CDKN2B-AS1: variants seen among roughly 807,000 people sequenced by gnomAD.
CDKN2B-AS1 encodes the protein CDKN2B and CDKN2A antisense cis and trans regulatory RNA 1.
intron 1 of CDKN2B-AS1, chr9:22,008,697 T>C: frequency 6.2e-7 from 1 of 1,611,166 alleles, no homozygotes; most frequent in East Asian, 2.2e-5. Context: ...GAGACTCCTG[T>C]ACAAATCTAC....
intron 3 of CDKN2B-AS1, among the ~76,000 whole-genome samples, chr9:22,054,535 A>G (rs1823477163): frequency 6.6e-6 from 1 of 151,956 alleles, no homozygotes; most frequent in East Asian, 1.9e-4. Context: ...ATTTATTCTT[A>G]TTTTTATTTT....
intron 1 of CDKN2B-AS1, among the ~76,000 whole-genome samples, chr9:22,032,469 C>T (rs1250938218): frequency 2.0e-5 from 3 of 152,148 alleles, no homozygotes; most frequent in Admixed American, 6.5e-5. Context: ...CCACAGTGTG[C>T]TGCCTAGGGC....
chr9:22,006,338 A>T lies in CDKN2B-AS1; in HGVS notation n.29+11177A>T. 2 of 1,548,836 alleles carry T rather than the reference A, an allele frequency of 1.3e-6. No homozygotes were observed. ...AAGGCAGGTGGAGCCATTTAAAGAA[A>T]CACCTAATTGCAAAGTTTTCACCCA... On this transcript the variant is annotated intron_variant and non_coding_transcript_variant, in intron 1 of 4. Coordinates refer to ENST00000650946, the Ensembl canonical transcript of CDKN2B-AS1. This position sits in a 1 kb window ranked among gnomAD's most constrained non-coding sequence, Gnocchi z 6.4.
At chr9:22,100,756 C>T (rs1405704876) in intron 4 of CDKN2B-AS1, among the ~76,000 whole-genome samples, 1 of 152,200 alleles carries the variant, frequency 6.6e-6, no homozygotes, top group East Asian at 1.9e-4. Context: ...TAACAGTTTA[C>T]ACTTCTACTA....
chr9:22,067,560 GCA>G (rs147195756), intron 4 of CDKN2B-AS1, among the ~76,000 whole-genome samples: 11 of 150,998 alleles, frequency 7.3e-5, no homozygotes, highest in African/African-American at 2.4e-4. Context: ...ACACACGCAC[GCA>G]CACACACACA....
At chr9:22,100,714 A>G (rs946234044) in intron 4 of CDKN2B-AS1, among the ~76,000 whole-genome samples, 2 of 152,188 alleles carry the variant, frequency 1.3e-5, no homozygotes, top group Non-Finnish European at 2.9e-5. Flanking sequence ...TTAATGTTTG[A>G]CTTTTTAAGA....
chr9:22,076,321 G>A (rs1824490521), intron 4 of CDKN2B-AS1, among the ~76,000 whole-genome samples: 1 of 152,046 alleles, frequency 6.6e-6, no homozygotes, highest in South Asian at 2.1e-4. Flanking sequence ...CCCAAAGTGT[G>A]GGATTACAGG....
At chr9:22,125,289 T>G (rs1304477134) in intron 4 of CDKN2B-AS1, among the ~76,000 whole-genome samples, 1 of 152,248 alleles carries the variant, frequency 6.6e-6, no homozygotes, top group Admixed American at 6.5e-5. Context: ...GCAAAGATAT[T>G]TGGAATATTG....
At chr9:22,091,798 A>T (rs1392379458) in intron 4 of CDKN2B-AS1, among the ~76,000 whole-genome samples, 1 of 152,084 alleles carries the variant, frequency 6.6e-6, no homozygotes, top group African/African-American at 2.4e-5. Flanking sequence ...TCTTTTCCTA[A>T]TTGAATACTA....
chr9:22,076,176 C>A (rs1338428562), intron 4 of CDKN2B-AS1, among the ~76,000 whole-genome samples: 1 of 152,098 alleles, frequency 6.6e-6, no homozygotes, highest in Non-Finnish European at 1.5e-5. Flanking sequence ...GTCTCAACCT[C>A]CCAAGTAGTT....
At chr9:22,075,780 T>A (rs939147751) in intron 4 of CDKN2B-AS1, among the ~76,000 whole-genome samples, 1 of 152,134 alleles carries the variant, frequency 6.6e-6, no homozygotes, top group African/African-American at 2.4e-5. Context: ...ACCGTTCACG[T>A]GAAATGAAGC....
intron 4 of CDKN2B-AS1, among the ~76,000 whole-genome samples, chr9:22,079,506 T>TAAAA (rs74958544): frequency 1.2e-4 from 12 of 98,830 alleles, no homozygotes; most frequent in Non-Finnish European, 2.7e-4. Context: ...AAACACCATC[T>TAAAA]AAAAAAAAAA....
intron 1 of CDKN2B-AS1, among the ~76,000 whole-genome samples, chr9:22,018,393 C>T (rs1384077889): frequency 1.3e-5 from 2 of 151,840 alleles, no homozygotes; most frequent in Non-Finnish European, 2.9e-5. Flanking sequence ...CATGGTGGCT[C>T]ACGCCTGTAA....
chr9:22,104,681 C>T (rs552643783), intron 4 of CDKN2B-AS1, among the ~76,000 whole-genome samples: 4 of 152,250 alleles, frequency 2.6e-5, no homozygotes, highest in African/African-American at 9.6e-5. Context: ...CATCCATTTA[C>T]CATTTGTTTG....
At chr9:22,012,318 C>G in intron 1 of CDKN2B-AS1, 5 of 1,453,678 alleles carry the variant, frequency 3.4e-6, no homozygotes, top group Non-Finnish European at 4.8e-6. Context: ...GATGGCCGCA[C>G]TCTCTCAGAC....
intron 1 of CDKN2B-AS1, among the ~76,000 whole-genome samples, chr9:22,045,899 A>G (rs1179684164): frequency 6.6e-6 from 1 of 152,142 alleles, no homozygotes; most frequent in Non-Finnish European, 1.5e-5. Context: ...TTTTATATGT[A>G]CCTATAATAA....
intron 4 of CDKN2B-AS1, among the ~76,000 whole-genome samples, chr9:22,089,296 A>T (rs76958626): frequency 2.0e-5 from 3 of 152,218 alleles, no homozygotes; most frequent in Non-Finnish European, 4.4e-5. Flanking sequence ...TTGAAGACAA[A>T]ATCTTGAATT....
intron 4 of CDKN2B-AS1, among the ~76,000 whole-genome samples, chr9:22,101,453 T>C (rs1173916276): frequency 6.6e-6 from 1 of 152,184 alleles, no homozygotes; most frequent in Non-Finnish European, 1.5e-5. Flanking sequence ...AAATTATGGA[T>C]GTTATGTCAA....
At chr9:22,032,744 G>C (rs146573553) in intron 1 of CDKN2B-AS1, 1 of 151,440 alleles carries the variant, frequency 6.6e-6, no homozygotes, top group East Asian at 2.0e-4. Flanking sequence ...TTTCCTGCAG[G>C]GATTCCCTCT....
Sources: allele counts gnomAD v4.1 joint callset (sites outside exome capture counted in the v4.1 genomes callset), GRCh38; gene constraint gnomAD v4.1.1; non-coding constraint Gnocchi (gnomAD v3.1); transcripts MANE v1.5; gene names NCBI Gene and HGNC (gene_info 2026-07-23, HGNC 2026-07-21).